Variants in CNGA3 observed in about 807,000 individuals in gnomAD.
CNGA3 encodes the protein cyclic nucleotide-gated channel alpha-3.
CNGA3 carries 42 observed loss-of-function variants against 46.6 expected under a neutral mutation model. The ratio of observed to expected loss-of-function variants is 0.90; its 90% CI spans 0.70 to 1.17. The LOEUF (loss-of-function observed/expected upper bound fraction) is 1.17, where lower values mean the gene tolerates loss of function less well. CNGA3 is among the 50% of genes most tolerant of loss of function. CNGA3 has a pLI of 0.00. For missense variants in CNGA3, 893 were observed against 890.7 expected (o/e 1.00, Z -0.03); for synonymous variants, 394 against 369.4 (o/e 1.07, Z -0.76).
intron 2 of CNGA3, among the ~76,000 whole-genome samples, chr2:98,370,914 C>T (rs1692270994): frequency 6.6e-6 from 1 of 152,166 alleles, no homozygotes; most frequent in Non-Finnish European, 1.5e-5. Context: ...AATCTCGGCT[C>T]ACTGGGTTCA....
intron 5 of CNGA3, 97 bp downstream of exon 5, chr2:98,383,538 C>G (rs1334801429): frequency 4.5e-6 from 5 of 1,112,416 alleles, no homozygotes; most frequent in Non-Finnish European, 6.9e-6. Context: ...GCTCCTGCTC[C>G]CCACTCCCAG....
chr2:98,349,319 T>C (rs1475347221), intron 1 of CNGA3, among the ~76,000 whole-genome samples: 1 of 151,996 alleles, frequency 6.6e-6, no homozygotes, highest in African/African-American at 2.4e-5. Flanking sequence ...GTAATTTGGC[T>C]TAGATGAGCA....
chr2:98,356,618 A>G (rs905217576), intron 1 of CNGA3, among the ~76,000 whole-genome samples: 6 of 152,148 alleles, frequency 3.9e-5, no homozygotes, highest in Admixed American at 2.6e-4. Flanking sequence ...GGCTATGGAC[A>G]CCTCTGTGTT....
chr2:98,358,479 C>A (rs527815933), intron 1 of CNGA3, among the ~76,000 whole-genome samples: 7 of 151,698 alleles, frequency 4.6e-5, no homozygotes, highest in Admixed American at 4.6e-4. Flanking sequence ...ATGAAATTGT[C>A]ATGCAAAAAA....
At chr2:98,391,038 C>A (rs575303213) in intron 6 of CNGA3, among the ~76,000 whole-genome samples, 22 of 152,308 alleles carry the variant, frequency 1.4e-4, no homozygotes, top group African/African-American at 5.3e-4. Context: ...CCTGAGCAAG[C>A]CTGCAAGACA....
chr2:98,384,509 C>A (rs1020903607), intron 5 of CNGA3, among the ~76,000 whole-genome samples: 2 of 152,148 alleles, frequency 1.3e-5, no homozygotes, highest in African/African-American at 2.4e-5. Flanking sequence ...GAACTTTTTT[C>A]TATTTTCTCC....
chr2:98,357,284 G>A (rs4851128), intron 1 of CNGA3, among the ~76,000 whole-genome samples: 34,086 of 152,160 alleles, frequency 0.22, 4,332 homozygotes, highest in Admixed American at 0.37. Context: ...GATGAGCACT[G>A]GAGTGCAAAA....
At chr2:98,387,665 A>T (rs1189138598) in intron 5 of CNGA3, among the ~76,000 whole-genome samples, 2 of 152,222 alleles carry the variant, frequency 1.3e-5, no homozygotes, top group Non-Finnish European at 2.9e-5. Flanking sequence ...GCAAAGTCCG[A>T]AGGCGTGTCT....
At chr2:98,361,443 G>C (rs1004939276) in intron 1 of CNGA3, among the ~76,000 whole-genome samples, 1 of 152,068 alleles carries the variant, frequency 6.6e-6, no homozygotes, top group Non-Finnish European at 1.5e-5. Flanking sequence ...ATGGGCATTT[G>C]GGTTGATTCC....
chr2:98,369,091 T>G (rs2104172584), intron 1 of CNGA3, among the ~76,000 whole-genome samples: 1 of 152,378 alleles, frequency 6.6e-6, no homozygotes, highest in East Asian at 1.9e-4. Context: ...GGCTTTTAGT[T>G]GTTTTACAAA....
At position 98,389,788 on chromosome 2, in the gene CNGA3, G is replaced by A. The variant is rs367748425; in HGVS notation, c.566+14G>A. Reference sequence around the variant, plus strand: ...GCTTATTTGCAGGTAAGCGACAGGGGTGGAAGGTGCAGCGGAAAGGGGGAA... The same window carrying A: ...GCTTATTTGCAGGTAAGCGACAGGGATGGAAGGTGCAGCGGAAAGGGGGAA... On this transcript the variant is annotated intron_variant, in intron 6 of 7. Transcript: ENST00000272602. 4.3e-5 allele frequency: 69 copies of A among 1,604,712 alleles called. No individual in the cohort carries two copies. The highest frequency in any genetic ancestry group is 5.5e-5 in the Non-Finnish European group (64 of 1,173,000).
chr2:98,392,543 A>G (rs1692814597), intron 7 of CNGA3, among the ~76,000 whole-genome samples: 3 of 151,936 alleles, frequency 2.0e-5, no homozygotes, highest in African/African-American at 2.4e-5. Flanking sequence ...CCTGGGTGAC[A>G]TAGCAACATT....
intron 2 of CNGA3, among the ~76,000 whole-genome samples, chr2:98,370,880 G>A (rs1692270215): frequency 6.6e-6 from 1 of 152,144 alleles, no homozygotes; most frequent in Non-Finnish European, 1.5e-5. Flanking sequence ...CACCCAGACT[G>A]GAGTGCAGTA....
chr2:98,368,963 A>T (rs1289293757), intron 1 of CNGA3, among the ~76,000 whole-genome samples: 1 of 152,254 alleles, frequency 6.6e-6, no homozygotes, highest in Non-Finnish European at 1.5e-5. Context: ...TCTTAGGCTC[A>T]CAATAGTGAC....
Position 98,383,297 on chromosome 2 carries a change from G to A in CNGA3, c.396-91G>A, listed in dbSNP as rs188437929. 3.4e-5 allele frequency: 41 copies of A among 1,193,384 alleles called. 1 individual carries two copies. In the African/African-American group the frequency reaches 3.9e-4, roughly 11 times the overall value. 73.9% of individuals were successfully genotyped at this position (1,193,384 alleles called of 1,614,324 possible). ...GGCTGGAAGCAGTGGGATAGGGATT[G>A]GGGGGTGGGGCATGGTAATCCCCTG... On this transcript the variant is annotated intron_variant, in intron 4 of 7. Transcript: ENST00000272602.
At chr2:98,346,806 C>T (rs936025519) in intron 1 of CNGA3, among the ~76,000 whole-genome samples, 9 of 152,144 alleles carry the variant, frequency 5.9e-5, no homozygotes, top group Admixed American at 5.2e-4. Flanking sequence ...ACAGGAAGCC[C>T]TCCCCGTGCT....
intron 2 of CNGA3, among the ~76,000 whole-genome samples, chr2:98,371,840 G>C (rs992935422): frequency 6.6e-6 from 1 of 152,170 alleles, no homozygotes; most frequent in African/African-American, 2.4e-5. Context: ...AGAGAGGGTC[G>C]GGCATCAGGG....
In CNGA3 at chr2:98,387,245, A is replaced by G. The variant is rs572421252; in HGVS notation, c.450-2413A>G. Among the ~76,000 whole-genome samples the G allele has an allele frequency of 5.3e-5, 8 of 152,334 alleles. No homozygotes were observed. In the South Asian group the frequency reaches 1.5e-3, roughly 28 times the overall value. ...CGGTGGCTCTCCCTTTTTGATTGTC[A>G]TGAATAATGGCAGTGATTATTTTTC... On this transcript the variant is annotated intron_variant, in intron 5 of 7. Transcript: ENST00000272602.
At chr2:98,372,729 G>A (rs911044038) in intron 2 of CNGA3, among the ~76,000 whole-genome samples, 1 of 152,170 alleles carries the variant, frequency 6.6e-6, no homozygotes, top group African/African-American at 2.4e-5. Context: ...CACAGTCCCT[G>A]CTATGTGGTT....
Sources: gnomAD v4.1 joint callset for allele counts (sites outside exome capture counted in the v4.1 genomes callset) on GRCh38, gnomAD v4.1.1 for gene constraint, MANE v1.5 for transcripts, NCBI Gene and HGNC (gene_info 2026-07-23, HGNC 2026-07-21) for gene names.